The following BLTP1 variants were observed in gnomAD, a reference collection of about 807,000 sequenced individuals.
BLTP1 encodes fragile site-associated protein.
At chr4:122,229,319 A>G in the BLTP1 span, 2 of 1,166,702 alleles carry the variant, frequency 1.7e-6, no homozygotes, top group Admixed American at 5.5e-5. Context: ...TAAAACACAC[A>G]TTTATAGTTT....
chr4:122,228,963 C>CTTAAATAAA, the BLTP1 span: 1 of 249,402 alleles, frequency 4.0e-6, no homozygotes, highest in Admixed American at 6.5e-5. Flanking sequence ...ACTTTAACTG[C>CTTAAATAAA]TGATTTCATT....
chr4:122,201,937 A>G, the BLTP1 span: 2 of 901,516 alleles, frequency 2.2e-6, no homozygotes, highest in East Asian at 1.2e-4. Flanking sequence ...ATATGTAGGT[A>G]GTCCTCTCCT....
At chr4:122,192,747 C>T in the BLTP1 span, among the ~76,000 whole-genome samples, 1 of 151,996 alleles carries the variant, frequency 6.6e-6, no homozygotes, top group Non-Finnish European at 1.5e-5. Context: ...AAATAAAAGA[C>T]ATATATCTTC....
chr4:122,361,360 C>G, the BLTP1 span, among the ~76,000 whole-genome samples: 1 of 152,102 alleles, frequency 6.6e-6, no homozygotes, highest in Non-Finnish European at 1.5e-5. Flanking sequence ...TGGAGTTGTA[C>G]AATCAGCAGC....
At chr4:122,187,718 T>A in the BLTP1 span, 10 of 478,586 alleles carry the variant, frequency 2.1e-5, no homozygotes, top group Non-Finnish European at 2.7e-5. Flanking sequence ...GTACTTAAAT[T>A]TTCTTTTAAC....
chr4:122,230,609 C>T, the BLTP1 span, among the ~76,000 whole-genome samples: 1 of 152,122 alleles, frequency 6.6e-6, no homozygotes, highest in African/African-American at 2.4e-5. Flanking sequence ...GTATAAAACT[C>T]CTTTTATGGG....
At chr4:122,229,198 C>G in the BLTP1 span, 8 of 1,610,778 alleles carry the variant, frequency 5.0e-6, no homozygotes, top group Non-Finnish European at 6.8e-6. Flanking sequence ...TAGATGGAGC[C>G]GATATTTACA....
the BLTP1 span, chr4:122,254,359 T>A: frequency 1.3e-6 from 2 of 1,551,232 alleles, no homozygotes; most frequent in Non-Finnish European, 1.8e-6. Context: ...AAAGAGTTTT[T>A]AAAATATAGT....
the BLTP1 span, among the ~76,000 whole-genome samples, chr4:122,242,629 C>T: frequency 6.6e-6 from 1 of 152,038 alleles, no homozygotes; most frequent in Non-Finnish European, 1.5e-5. Context: ...ACTAGTTTTT[C>T]CTATAGTTTA....
the BLTP1 span, chr4:122,254,948 C>T: frequency 6.2e-7 from 1 of 1,603,946 alleles, no homozygotes; most frequent in Admixed American, 1.7e-5. Flanking sequence ...ATGACAGAAG[C>T]ATTAGAGGTA....
At chr4:122,289,659 G>A in the BLTP1 span, 45 of 982,334 alleles carry the variant, frequency 4.6e-5, no homozygotes, top group Non-Finnish European at 5.4e-5. Context: ...TTTTTCACAA[G>A]CTAAAGTATT....
At chr4:122,349,900 G>A in the BLTP1 span, 14 of 1,613,566 alleles carry the variant, frequency 8.7e-6, no homozygotes, top group Non-Finnish European at 1.0e-5. This position sits in a 1 kb window ranked among gnomAD's most constrained non-coding sequence, Gnocchi z 4.5. Flanking sequence ...TATTTTCCAA[G>A]TAATGATATC....
chr4:122,342,417 GC>G, the BLTP1 span, among the ~76,000 whole-genome samples: 1 of 151,726 alleles, frequency 6.6e-6, no homozygotes, highest in Non-Finnish European at 1.5e-5. Flanking sequence ...GTGTAGTGGC[GC>G]CATCTCAGCT....
chr4:122,346,324 A>G, the BLTP1 span: 1 of 369,554 alleles, frequency 2.7e-6, no homozygotes, highest in Non-Finnish European at 3.7e-6. Flanking sequence ...ATTTTCCATA[A>G]TAGAAAAGAC....
the BLTP1 span, chr4:122,235,242 C>A: frequency 1.7e-6 from 1 of 591,442 alleles, no homozygotes; most frequent in Non-Finnish European, 2.1e-6. Context: ...CTATTCAGAT[C>A]TTCTGTTGAC....
the BLTP1 span, chr4:122,232,113 T>C: frequency 1.0e-6 from 1 of 985,346 alleles, no homozygotes; most frequent in African/African-American, 1.7e-5. Flanking sequence ...AAGTAGCTCA[T>C]TTAGGTTGGT....
the BLTP1 span, chr4:122,255,159 G>A: frequency 6.2e-7 from 1 of 1,604,982 alleles, no homozygotes; most frequent in Non-Finnish European, 8.5e-7. Flanking sequence ...CCCCTAAGAA[G>A]TAAATACAAC....
At chr4:122,359,660 T>G in the BLTP1 span, 3 of 1,612,778 alleles carry the variant, frequency 1.9e-6, no homozygotes, top group African/African-American at 2.7e-5. Context: ...ATAGCATCAC[T>G]TATACTACTG....
the BLTP1 span, chr4:122,325,085 T>A: frequency 2.7e-6 from 2 of 734,204 alleles, no homozygotes; most frequent in Non-Finnish European, 4.1e-6. Flanking sequence ...TTTTATGGGA[T>A]GCTAAAGGTT....
Sources: gnomAD v4.1 joint callset for allele counts (sites outside exome capture counted in the v4.1 genomes callset) on GRCh38, gnomAD v4.1.1 for gene constraint, Gnocchi (gnomAD v3.1) non-coding constraint, MANE v1.5 for transcripts, NCBI Gene and HGNC (gene_info 2026-07-23, HGNC 2026-07-21) for gene names.